The following DTNB variants were observed in gnomAD, a reference collection of about 807,000 sequenced individuals.
The protein encoded by DTNB is dystrobrevin beta.
In DTNB, 63 loss-of-function variants were observed where a neutral mutation model predicts 90.7. The ratio of observed to expected loss-of-function variants is 0.69; its 90% confidence interval spans 0.57 to 0.86. The LOEUF (loss-of-function observed/expected upper bound fraction) is 0.86, where lower values mean the gene tolerates loss of function less well. Among genes scored for constraint, DTNB ranks in the 40% least tolerant of loss-of-function variants. The pLI, the probability that DTNB is intolerant of heterozygous loss-of-function variation, is 0.00. For synonymous variants in DTNB, 277 were observed against 286.7 expected, an observed-to-expected ratio of 0.97 and a Z score of 0.34; for missense variants, 744 against 807.1, an observed-to-expected ratio of 0.92 and a Z score of 0.95.
rs59388175 is a variant in DTNB at position 25,410,694 on chromosome 2, G to A, written c.1575+8821C>T. Among the ~76,000 whole-genome samples the A allele has an allele frequency of 6.0e-3, 907 of 152,238 alleles. 11 individuals are homozygous for A. Among genetic ancestry groups the A allele is most frequent in the African/African-American group, 0.021 (859 of 41,538 alleles). On this transcript the variant is annotated intron_variant, in intron 16 of 20. Transcript: ENST00000406818. ...TTCAGTCACGCCACCCTGCCATGAC[G>A]AGGCGGGGGGGCAATGGTTTAAAGG... is the stretch of plus-strand genomic sequence containing the variant.
chr2:25,560,650 C>A (rs1336843826), intron 8 of DTNB, among the ~76,000 whole-genome samples: 1 of 152,190 alleles, frequency 6.6e-6, no homozygotes, highest in African/African-American at 2.4e-5. Context: ...TGCCAACTCA[C>A]CCCGCAGATC....
At chr2:25,612,679 C>A (rs2068954988) in intron 4 of DTNB, among the ~76,000 whole-genome samples, 1 of 151,844 alleles carries the variant, frequency 6.6e-6, no homozygotes, top group Non-Finnish European at 1.5e-5. Context: ...AAATCTCTTG[C>A]CAGACTGACT....
At chr2:25,646,805 C>A (rs936175824) in intron 2 of DTNB, among the ~76,000 whole-genome samples, 17 of 152,176 alleles carry the variant, frequency 1.1e-4, no homozygotes, top group Admixed American at 5.2e-4. Context: ...CTACCTTGGG[C>A]ACATGTTCTC....
intron 3 of DTNB, among the ~76,000 whole-genome samples, chr2:25,634,156 A>G (rs1457554821): frequency 2.4e-4 from 24 of 99,900 alleles, no homozygotes; most frequent in African/African-American, 5.3e-4. Flanking sequence ...CGGGAGGTGA[A>G]GGGCGCCTCT....
chr2:25,603,963 A>G (rs916392135), intron 5 of DTNB, among the ~76,000 whole-genome samples: 1 of 152,188 alleles, frequency 6.6e-6, no homozygotes, highest in African/African-American at 2.4e-5. Context: ...AAAATAGCCA[A>G]AGCTAACAAT....
At chr2:25,611,900 G>A (rs1347604936) in intron 4 of DTNB, among the ~76,000 whole-genome samples, 2 of 152,060 alleles carry the variant, frequency 1.3e-5, no homozygotes, top group Non-Finnish European at 2.9e-5. Flanking sequence ...GAATATCCCT[G>A]GAGTTATTTG....
intron 3 of DTNB, among the ~76,000 whole-genome samples, chr2:25,633,810 G>A (rs926639380): frequency 2.7e-5 from 4 of 148,458 alleles, no homozygotes; most frequent in Non-Finnish European, 4.5e-5. Context: ...TGTGGGGAGC[G>A]CCTCTGCCCC....
chr2:25,526,395 A>ATATATATATATATATTTTT, intron 9 of DTNB, among the ~76,000 whole-genome samples: 3 of 49,824 alleles, frequency 6.0e-5, no homozygotes, highest in African/African-American at 2.9e-4. Flanking sequence ...ATATATATAT[A>ATATATATATATATATTTTT]TTTTTTTTTT....
intron 16 of DTNB, among the ~76,000 whole-genome samples, chr2:25,390,903 T>TTC (rs1314608264): frequency 6.6e-6 from 1 of 150,566 alleles, no homozygotes; most frequent in Non-Finnish European, 1.5e-5. Context: ...GACTTTTTTT[T>TTC]TTTTTTTTTT....
At chr2:25,465,008 T>G (rs2061544517) in intron 10 of DTNB, among the ~76,000 whole-genome samples, 1 of 152,134 alleles carries the variant, frequency 6.6e-6, no homozygotes, top group South Asian at 2.1e-4. Context: ...GTCTGGAACT[T>G]AATTCACAGT....
chr2:25,410,604 G>C (rs990498912), intron 16 of DTNB, among the ~76,000 whole-genome samples: 1 of 152,132 alleles, frequency 6.6e-6, no homozygotes, highest in African/African-American at 2.4e-5. Flanking sequence ...AAAATAACTC[G>C]GGGAAGTCTG....
At chr2:25,653,448 AAAG>A (rs1285652154) in intron 1 of DTNB, among the ~76,000 whole-genome samples, 1 of 148,810 alleles carries the variant, frequency 6.7e-6, no homozygotes, top group African/African-American at 2.5e-5. Flanking sequence ...AAAAAAAAAG[AAAG>A]AAGGAAAAGA....
intron 16 of DTNB, among the ~76,000 whole-genome samples, chr2:25,396,142 A>G (rs188220849): frequency 2.2e-4 from 34 of 152,324 alleles, no homozygotes; most frequent in African/African-American, 7.0e-4. Context: ...ACTGGAGACC[A>G]TTATTCTAAG....
intron 4 of DTNB, among the ~76,000 whole-genome samples, chr2:25,607,945 G>A (rs1373690781): frequency 6.6e-6 from 1 of 152,156 alleles, no homozygotes; most frequent in African/African-American, 2.4e-5. Flanking sequence ...CTGGAAAGAC[G>A]AAATGTAGAA....
In DTNB at chr2:25,596,083, T is replaced by TA; in HGVS notation, c.603+2dup. The TA allele has an allele frequency of 2.5e-6, 4 of 1,601,386 alleles. No individual in the cohort carries two copies. The highest frequency in any genetic ancestry group is 3.4e-6 in the Non-Finnish European group (4 of 1,175,668). On this transcript the variant is annotated splice_region_variant and intron_variant, in intron 6 of 20. Transcript: ENST00000406818. ...GCCCTAGATTCTATAAAACTGTCCT[T>TA]ACCTGCTGTGGAAAACAGGTGCGGA...
At chr2:25,383,499 G>A (rs775553012) in intron 19 of DTNB, among the ~76,000 whole-genome samples, 6 of 152,148 alleles carry the variant, frequency 3.9e-5, no homozygotes, top group Non-Finnish European at 5.9e-5. Context: ...GATTACAGGC[G>A]TGAGCCACCG....
In DTNB at chr2:25,419,542, T is replaced by G. The variant is rs1349866254; in HGVS notation, c.1555-7A>C. 3.9e-6 allele frequency: 6 copies of G among 1,551,626 alleles called. No homozygotes were observed. The highest frequency in any genetic ancestry group is 1.4e-5 in the African/African-American group (1 of 72,236). On this transcript the variant is annotated splice_region_variant and splice_polypyrimidine_tract_variant and intron_variant, in intron 15 of 20. Transcript: ENST00000406818. Reference sequence around the variant, plus strand: ...CCTGCTTTTGCTCTTCCTCCTGGAGTGTTGAAGATGAAAAAAAAAGGCAGA... The same window carrying G: ...CCTGCTTTTGCTCTTCCTCCTGGAGGGTTGAAGATGAAAAAAAAAGGCAGA...
At chr2:25,467,600 C>A (rs2062038319) in intron 10 of DTNB, among the ~76,000 whole-genome samples, 1 of 152,098 alleles carries the variant, frequency 6.6e-6, no homozygotes, top group African/African-American at 2.4e-5. Context: ...CACTAGCGCC[C>A]AGCCTTGTAA....
At chr2:25,448,611 T>C (rs1374027559) in intron 12 of DTNB, among the ~76,000 whole-genome samples, 1 of 152,044 alleles carries the variant, frequency 6.6e-6, no homozygotes, top group Admixed American at 6.6e-5. Flanking sequence ...TCCCAGCACT[T>C]TGGGAGGCCG....
Sources: allele counts gnomAD v4.1 joint callset (sites outside exome capture counted in the v4.1 genomes callset), GRCh38; gene constraint gnomAD v4.1.1; transcripts MANE v1.5; gene names NCBI Gene and HGNC (gene_info 2026-07-23, HGNC 2026-07-21).